The following RABGAP1 variants were observed in gnomAD, a reference collection of about 807,000 sequenced individuals.
The protein encoded by RABGAP1 is RAB GTPase activating protein 1.
Under a neutral mutation model 137.6 loss-of-function variants are expected in RABGAP1, and 23 were observed. The ratio of observed to expected loss-of-function variants is 0.17; its 90% CI spans 0.12 to 0.24. The LOEUF (loss-of-function observed/expected upper bound fraction) is 0.24, where lower values mean the gene tolerates loss of function less well. Among genes scored for constraint, RABGAP1 ranks in the 10% least tolerant of loss-of-function variants. The pLI is 1.00. For synonymous variants in RABGAP1, 451 were observed against 450.7 expected (o/e 1.00, Z -0.01); for missense variants, 906 against 1,275.8 (o/e 0.71, Z 4.42).
rs147176430 is a variant in RABGAP1 at position 123,090,574 on chromosome 9, C to G, written c.2628+189C>G. The stretch of plus-strand genomic sequence containing the variant: ...ATTATCTGTTGTCTCACAAAGCCCT[C>G]CTTACCACATTCTTTTCTCATTGTG... On this transcript the variant is annotated intron_variant, in intron 21 of 25. Coordinates refer to ENST00000373647, the MANE Select transcript of RABGAP1 (RefSeq NM_012197.4). Among the ~76,000 whole-genome samples the G allele has an allele frequency of 2.6e-4, 40 of 152,376 alleles. No individual in the cohort carries two copies. In the East Asian group the frequency reaches 6.5e-3, roughly 25 times the overall value.
chr9:123,048,173 A>G (rs1322521082), intron 13 of RABGAP1, among the ~76,000 whole-genome samples: 1 of 152,034 alleles, frequency 6.6e-6, no homozygotes, highest in Non-Finnish European at 1.5e-5. Flanking sequence ...TCCTGACCTC[A>G]GGTGATCCGT....
intron 13 of RABGAP1, among the ~76,000 whole-genome samples, chr9:123,044,219 A>G (rs2033096674): frequency 6.6e-6 from 1 of 152,136 alleles, no homozygotes. Context: ...ATTATTTTCT[A>G]TGAAAAGTGT....
chr9:123,017,960 T>C (rs2031353302), intron 12 of RABGAP1, among the ~76,000 whole-genome samples: 2 of 152,186 alleles, frequency 1.3e-5, no homozygotes, highest in South Asian at 4.1e-4. Context: ...GTGGTAGTAT[T>C]AATAGTATCT....
At chr9:123,076,856 T>A in intron 19 of RABGAP1, 94 bp downstream of exon 19, 1 of 730,608 alleles carries the variant, frequency 1.4e-6, no homozygotes, top group Non-Finnish European at 1.8e-6. Flanking sequence ...ATGTATTATA[T>A]TTATAACATT....
At chr9:123,080,894 G>A (rs781632793) in intron 19 of RABGAP1, among the ~76,000 whole-genome samples, 1 of 152,096 alleles carries the variant, frequency 6.6e-6, no homozygotes. Context: ...GGTATGAACC[G>A]CATGGGTCCA....
rs2034996903 is a variant in RABGAP1, at chr9:123,090,288, G to A, written c.2531G>A (p.Arg844His). 3 of 1,612,058 alleles carry A rather than the reference G, an allele frequency of 1.9e-6. No homozygotes were observed. The highest frequency in any genetic ancestry group is 2.5e-6 in the Non-Finnish European group (3 of 1,179,226). ...PIERFERENR[R>H]LQEANMRLEQ... ...TCTACCCTTCAGCGGGAGAATAGGC[G>A]TCTACAAGAAGCTAACATGAGGTTG... The change falls in exon 21 of 26, where the codon CGT becomes CAT. Residue 844 changes from arginine (R) to histidine (H), a missense_variant. This residue lies in a region of RABGAP1 where 77 missense variants were observed against 105.6 expected (regional missense o/e 0.73). Transcript: ENST00000373647.
chr9:122,976,990 A>T (rs532358765), intron 2 of RABGAP1, among the ~76,000 whole-genome samples: 2 of 152,350 alleles, frequency 1.3e-5, no homozygotes, highest in East Asian at 3.9e-4. Flanking sequence ...GTCCTGGGAA[A>T]GTTGAGTAGT....
At position 123,010,420 on chromosome 9, in the gene RABGAP1, T is replaced by A; in HGVS notation, c.1441T>A (p.Ser481Thr). The A allele has an allele frequency of 6.2e-7, 1 of 1,613,034 alleles. No homozygotes were observed. Among genetic ancestry groups the A allele is most frequent in the Non-Finnish European group, 8.5e-7 (1 of 1,179,754 alleles). ...TGAAGTTGTATGCTTGGAAAGTGAATCAGAAAGAGAGAGGAGGAAAACTAC... is the reference window on the plus strand; with the variant it reads ...TGAAGTTGTATGCTTGGAAAGTGAAACAGAAAGAGAGAGGAGGAAAACTAC... ...LYEVVCLESE[S>T]ERERRKTTAS... Residue 481 changes from serine (S) to threonine (T), a missense_variant, in exon 11 of 26, where the codon TCA becomes ACA. Physicochemically the swap from Ser to Thr is moderately conservative, Grantham distance 58. This residue lies in a region of RABGAP1 where 212 missense variants were observed against 289.4 expected (regional missense o/e 0.73). Coordinates refer to ENST00000373647, the MANE Select transcript of RABGAP1 (RefSeq NM_012197.4).
intron 13 of RABGAP1, among the ~76,000 whole-genome samples, chr9:123,040,338 T>C (rs1038334371): frequency 6.6e-6 from 1 of 152,166 alleles, no homozygotes; most frequent in Non-Finnish European, 1.5e-5. Flanking sequence ...AGAGCAGTCT[T>C]CTCTATTAGC....
chr9:123,095,634 C>G (rs979942672), intron 21 of RABGAP1, among the ~76,000 whole-genome samples: 1 of 151,302 alleles, frequency 6.6e-6, no homozygotes, highest in Non-Finnish European at 1.5e-5. Context: ...CGCAGGAGTT[C>G]AAGGTTATGG....
chr9:122,986,512 A>C, intron 4 of RABGAP1, 93 bp downstream of exon 4: 1 of 1,306,578 alleles, frequency 7.7e-7, no homozygotes, highest in Non-Finnish European at 1.1e-6. Context: ...ATACATATTA[A>C]TAGTTATTTT....
Position 123,076,330 on chromosome 9 carries a change from C to A in RABGAP1, c.2295+44C>A. The A allele has an allele frequency of 1.9e-6, 3 of 1,566,676 alleles. No homozygotes were observed. The South Asian group carries it at 3.4e-5, about 18-fold the overall frequency. On this transcript the variant is annotated intron_variant, in intron 18 of 25. Transcript: ENST00000373647. ...GCTGAGTTATCTGTCATTCCCTGCT[C>A]TGCACTTGCAATACATTGGTTGTAG...
chr9:122,948,399 A>G (rs1416614487), intron 1 of RABGAP1, among the ~76,000 whole-genome samples: 2 of 152,186 alleles, frequency 1.3e-5, no homozygotes, highest in Non-Finnish European at 1.5e-5. Flanking sequence ...ATCAAGTTCC[A>G]CAATTTTCTC....
intron 2 of RABGAP1, among the ~76,000 whole-genome samples, chr9:122,962,783 G>A (rs575965497): frequency 6.0e-4 from 91 of 152,134 alleles, no homozygotes; most frequent in African/African-American, 2.1e-3. Flanking sequence ...ATCAAAAGGG[G>A]AGATACTGTT....
At chr9:123,084,849 G>A (rs2034818690) in intron 19 of RABGAP1, among the ~76,000 whole-genome samples, 1 of 152,194 alleles carries the variant, frequency 6.6e-6, no homozygotes, top group South Asian at 2.1e-4. Flanking sequence ...GGAAATAGAG[G>A]CTTAAGATTA....
At chr9:123,023,783 A>G (rs2031794441) in intron 13 of RABGAP1, among the ~76,000 whole-genome samples, 1 of 152,200 alleles carries the variant, frequency 6.6e-6, no homozygotes, top group Admixed American at 6.5e-5. Context: ...ATATATATAT[A>G]CACACCACTA....
chr9:122,932,254 A>G, the RABGAP1 span, among the ~76,000 whole-genome samples: 1 of 152,136 alleles, frequency 6.6e-6, no homozygotes, highest in Non-Finnish European at 1.5e-5. Context: ...GAGGTAAAAC[A>G]TGCGTAATGT....
At chr9:123,026,178 G>T (rs933909857) in intron 13 of RABGAP1, among the ~76,000 whole-genome samples, 4 of 151,984 alleles carry the variant, frequency 2.6e-5, no homozygotes, top group Admixed American at 2.6e-4. Context: ...ACAAGAATTA[G>T]CCGGCCGTGG....
intron 13 of RABGAP1, chr9:123,029,715 T>C (rs886188029): frequency 1.2e-5 from 8 of 654,712 alleles, no homozygotes; most frequent in Non-Finnish European, 2.0e-5. Context: ...TGGCTGACTT[T>C]CCAGTGTCTG....
Sources: allele counts gnomAD v4.1 joint callset (sites outside exome capture counted in the v4.1 genomes callset), GRCh38; gene constraint gnomAD v4.1.1; regional missense constraint gnomAD v4.1.1; transcripts MANE v1.5; gene names NCBI Gene and HGNC (gene_info 2026-07-23, HGNC 2026-07-21).